Variants in CDH23 observed in about 807,000 individuals in gnomAD.
CDH23 encodes the protein cadherin-23.
A neutral mutation model predicts 317.1 loss-of-function variants in CDH23; 189 were observed. The observed-to-expected ratio is 0.60, with a 90% CI of 0.53 to 0.67. The LOEUF is 0.67. Among genes scored for constraint, CDH23 ranks in the 30% least tolerant of loss-of-function variants. The pLI, the probability that CDH23 is intolerant of heterozygous loss-of-function variation, is 0.00. For synonymous variants in CDH23, 1,839 were observed against 1,876.8 expected (o/e 0.98, Z 0.52); for missense variants, 4,401 against 4,592.4 (o/e 0.96, Z 1.20).
intron 6 of CDH23, among the ~76,000 whole-genome samples, chr10:71,530,610 C>T (rs1855317703): frequency 6.6e-6 from 1 of 152,224 alleles, no homozygotes. Context: ...ATATTTCTCC[C>T]TCTTTCCCAA....
At chr10:71,532,354 C>T (rs888279488) in intron 6 of CDH23, among the ~76,000 whole-genome samples, 3 of 152,230 alleles carry the variant, frequency 2.0e-5, no homozygotes, top group Admixed American at 6.5e-5. Context: ...CGCCTGCAAC[C>T]GAGCAGCTGG....
At chr10:71,578,244 T>TG (rs1359848841) in intron 9 of CDH23, among the ~76,000 whole-genome samples, 3 of 151,982 alleles carry the variant, frequency 2.0e-5, no homozygotes, top group African/African-American at 4.8e-5. Flanking sequence ...TGGTGGGCAC[T>TG]GGGGGGTGGG....
chr10:71,714,961 G>A (rs1258028168), intron 28 of CDH23: 2 of 152,286 alleles, frequency 1.3e-5, no homozygotes, highest in Non-Finnish European at 2.9e-5. Context: ...CCATCCTGGG[G>A]TGGGACTGCT....
chr10:71,781,611 C>G (rs763146914), intron 41 of CDH23, among the ~76,000 whole-genome samples: 2 of 152,162 alleles, frequency 1.3e-5, no homozygotes, highest in Non-Finnish European at 1.5e-5. Flanking sequence ...AAGCCACAAG[C>G]GAAACTTCCT....
chr10:71,749,593 C>T (rs1455001424), intron 38 of CDH23: 2 of 152,352 alleles, frequency 1.3e-5, no homozygotes, highest in Non-Finnish European at 2.9e-5. Flanking sequence ...TCTGGCCACT[C>T]GAGGTGTCAG....
chr10:71,638,046 A>AT (rs1021931427), intron 11 of CDH23, among the ~76,000 whole-genome samples: 3 of 152,214 alleles, frequency 2.0e-5, no homozygotes, highest in Non-Finnish European at 4.4e-5. Context: ...GCCATAGGGA[A>AT]TTTCCTGGCT....
chr10:71,614,783 G>A (rs1354327407), intron 9 of CDH23, among the ~76,000 whole-genome samples: 1 of 152,160 alleles, frequency 6.6e-6, no homozygotes, highest in East Asian at 1.9e-4. Flanking sequence ...ATAGTGATCT[G>A]GAGAAACCCA....
chr10:71,665,981 C>T (rs1156437727), intron 14 of CDH23, among the ~76,000 whole-genome samples: 1 of 152,228 alleles, frequency 6.6e-6, no homozygotes, highest in Non-Finnish European at 1.5e-5. Context: ...TCTGAGGCTT[C>T]CTCTGCAGTC....
chr10:71,812,630 C>A (rs1841979461), intron 67 of CDH23, 21 bp downstream of exon 67: 1 of 1,602,150 alleles, frequency 6.2e-7, no homozygotes, highest in East Asian at 2.2e-5. Flanking sequence ...GGCGGTCAGG[C>A]ATCACAAGGG....
At chr10:71,424,468 A>G (rs915722167) in intron 1 of CDH23, among the ~76,000 whole-genome samples, 1 of 152,198 alleles carries the variant, frequency 6.6e-6, no homozygotes, top group Non-Finnish European at 1.5e-5. Context: ...CACTTAACTC[A>G]AAGGGAAAAT....
intron 3 of CDH23, among the ~76,000 whole-genome samples, chr10:71,451,530 G>A (rs1040891544): frequency 6.6e-6 from 1 of 152,254 alleles, no homozygotes; most frequent in Admixed American, 6.5e-5. Context: ...CCCACTTCAC[G>A]GTCTTTGCAG....
chr10:71,789,240 G>T (rs994732288), intron 45 of CDH23, among the ~76,000 whole-genome samples, 198 bp downstream of exon 45: 1 of 152,224 alleles, frequency 6.6e-6, no homozygotes, highest in Non-Finnish European at 1.5e-5. Flanking sequence ...GAAGCCACAG[G>T]TCTGGTTGGA....
chr10:71,687,794 A>G (rs1458511781), intron 19 of CDH23, 75 bp downstream of exon 19: 2 of 1,380,674 alleles, frequency 1.4e-6, no homozygotes, highest in African/African-American at 2.9e-5. Flanking sequence ...GGATGTGCAG[A>G]CCCCGGCTCT....
intron 6 of CDH23, among the ~76,000 whole-genome samples, chr10:71,523,484 A>G (rs1273247540): frequency 1.3e-5 from 2 of 152,198 alleles, no homozygotes; most frequent in Non-Finnish European, 2.9e-5. Flanking sequence ...AATAGCAGCT[A>G]TTGGGGCGGA....
chr10:71,623,817 AG>A (rs1172154437), intron 11 of CDH23, among the ~76,000 whole-genome samples: 1 of 152,152 alleles, frequency 6.6e-6, no homozygotes, highest in Non-Finnish European at 1.5e-5. Context: ...TTTATGACAG[AG>A]GCTCTGTGAT....
In CDH23 at chr10:71,695,524, C is replaced by T. The variant is rs1183057001; in HGVS notation, c.2396C>T (p.Thr799Met). Residue 799 changes from threonine to methionine, a missense_variant and splice_region_variant, in exon 22 of 70, where the codon ACG (threonine) becomes ATG (methionine). This residue lies in a region of CDH23 where 3,068 missense variants were observed against 3,203.3 expected (regional missense o/e 0.96). Transcript: ENST00000224721. ...ACCCCTCCAGACTCTGATGTGACCA[C>T]GGTAGGTGGTGGCAGAGCAGCAGAA... ...EMTPPDSDVT[T>M]VVAVDPDLGE... 5.0e-6 allele frequency: 8 copies of T among 1,603,192 alleles called. No homozygotes were observed. Among genetic ancestry groups the T allele is most frequent in the South Asian group, 2.2e-5 (2 of 90,892 alleles).
At chr10:71,579,082 A>T (rs530675292) in intron 9 of CDH23, among the ~76,000 whole-genome samples, 9 of 152,322 alleles carry the variant, frequency 5.9e-5, no homozygotes, top group Non-Finnish European at 1.0e-4. Flanking sequence ...GGGTCAGATG[A>T]TTTAACATAT....
At chr10:71,783,195 C>T (rs1841003884) in intron 41 of CDH23, among the ~76,000 whole-genome samples, 1 of 152,216 alleles carries the variant, frequency 6.6e-6, no homozygotes, top group Admixed American at 6.5e-5. Flanking sequence ...TGCAGGCTCT[C>T]CCAGTTCCCT....
chr10:71,734,564 C>G, intron 33 of CDH23, 92 bp from the exon 34 acceptor site: 2 of 1,606,116 alleles, frequency 1.2e-6, no homozygotes, highest in Non-Finnish European at 1.7e-6. Flanking sequence ...GAGACACTGC[C>G]GGGAGTGGGG....
Sources: gnomAD v4.1 joint callset for allele counts (sites outside exome capture counted in the v4.1 genomes callset) on GRCh38, gnomAD v4.1.1 for gene constraint, gnomAD v4.1.1 regional missense constraint, MANE v1.5 for transcripts, NCBI Gene and HGNC (gene_info 2026-07-23, HGNC 2026-07-21) for gene names.